The following RNF43 variants were observed in gnomAD, a reference collection of about 807,000 sequenced individuals.
The protein encoded by RNF43 is ring finger protein 43, also known as E3 ubiquitin-protein ligase RNF43.
In RNF43, 37 loss-of-function variants were observed where a neutral mutation model predicts 78.4. The observed-to-expected ratio is 0.47, with a 90% CI of 0.36 to 0.62. The LOEUF (loss-of-function observed/expected upper bound fraction) is 0.62, where lower values mean the gene tolerates loss of function less well. Ranked by LOEUF, RNF43 falls within the 20% of genes least tolerant of loss-of-function variation. The pLI, the probability that RNF43 is intolerant of heterozygous loss-of-function variation, is 0.00. For missense variants in RNF43, 774 were observed against 1,007.9 expected (o/e 0.77, Z 3.14); for synonymous variants, 347 against 395.0 (o/e 0.88, Z 1.44).
chr17:58,400,173 A>T (rs941224889), intron 2 of RNF43, among the ~76,000 whole-genome samples: 1 of 152,204 alleles, frequency 6.6e-6, no homozygotes, highest in African/African-American at 2.4e-5. Context: ...TACCACAAGT[A>T]ACAGGTATTA....
chr17:58,404,885 G>A (rs937396259), intron 2 of RNF43, among the ~76,000 whole-genome samples: 3 of 151,744 alleles, frequency 2.0e-5, no homozygotes, highest in South Asian at 2.1e-4. Context: ...AAATTTAACA[G>A]GGACTGATTG....
rs2143397754 is a variant in RNF43 at position 58,357,916 on chromosome 17, A to G, written c.1860T>C (p.Pro620=). ...CGTCAACTGGGCCAGGGGCTGGCTCAGGGAGGGCCCTGGGGCACTGTGGGT... is the reference window on the plus strand; with the variant it reads ...CGTCAACTGGGCCAGGGGCTGGCTCGGGGAGGGCCCTGGGGCACTGTGGGT... ...LSNPQCPRAL[P]EPAPGPVDAS... is the part of the protein sequence containing the mutation. The change falls in exon 9 of 10, where the codon CCT becomes CCC. Residue 620 remains proline, a synonymous_variant. Coordinates refer to ENST00000407977, the MANE Select transcript of RNF43 (RefSeq NM_017763.6). This position sits in a 1 kb window ranked among gnomAD's most constrained non-coding sequence, Gnocchi z 4.5. The G allele has an allele frequency of 1.2e-6, 2 of 1,613,538 alleles. No homozygotes were observed. The highest frequency in any genetic ancestry group is 1.7e-6 in the Non-Finnish European group (2 of 1,179,736).
In RNF43 at chr17:58,360,348, T is replaced by G. The variant is rs1276551701; in HGVS notation, c.850-97A>C. 5 of 813,290 alleles carry G rather than the reference T, an allele frequency of 6.1e-6. No individual in the cohort carries two copies. Among genetic ancestry groups the G allele is most frequent in the Non-Finnish European group, 1.0e-5 (5 of 482,562 alleles). 50.4% of individuals were successfully genotyped at this position (813,290 alleles called of 1,614,324 possible). A position where few individuals can be genotyped will look rare whatever the true frequency, so the allele number is the denominator to read the frequency against. ...CCAACTCCCTTAGGCCTCTCCTTGC[T>G]ATTATCTACTTGTAAAAGACCTCAC... On this transcript the variant is annotated intron_variant, in intron 7 of 9. Transcript: ENST00000407977. The surrounding 1 kb of genome is among the most constrained non-coding windows in gnomAD (Gnocchi z 4.3).
intron 2 of RNF43, 53 bp from the exon 3 acceptor site, chr17:58,371,086 C>A (rs1480570341): frequency 4.7e-6 from 7 of 1,498,026 alleles, no homozygotes; most frequent in Non-Finnish European, 5.4e-6. Flanking sequence ...CAGGAGTGAG[C>A]TGTGAGAGCC....
At chr17:58,393,210 C>T (rs1354287363) in intron 2 of RNF43, among the ~76,000 whole-genome samples, 9 of 152,140 alleles carry the variant, frequency 5.9e-5, no homozygotes, top group African/African-American at 2.2e-4. Flanking sequence ...GAGTTCGAGA[C>T]CAGCCTAATC....
At chr17:58,376,653 C>A (rs1973210845) in intron 2 of RNF43, among the ~76,000 whole-genome samples, 1 of 152,168 alleles carries the variant, frequency 6.6e-6, no homozygotes, top group Non-Finnish European at 1.5e-5. Context: ...AAAACAGATG[C>A]AAATACATCT....
chr17:58,390,317 T>TA (rs1973525293), intron 2 of RNF43, among the ~76,000 whole-genome samples: 1 of 152,212 alleles, frequency 6.6e-6, no homozygotes, highest in Non-Finnish European at 1.5e-5. Flanking sequence ...GATCCTTTTT[T>TA]TAAAAAAAAT....
chr17:58,358,310 C>A lies in RNF43; in HGVS notation c.1466G>T (p.Gly489Val), dbSNP rs2143411267. 6.2e-7 allele frequency: 1 copy of A among 1,614,176 alleles called. No homozygotes were observed. The highest frequency in any genetic ancestry group is 8.5e-7 in the Non-Finnish European group (1 of 1,180,034). The part of the protein sequence containing the change: ...VVNCTDISLQ[G>V]VHGSSSTFCS... ...GAAAGTAGAACTGCTGCCATGGACC[C>A]CCTGTAGGCTGATGTCCGTGCAGTT... The change falls in exon 9 of 10, where the codon GGG becomes GTG. Residue 489 changes from glycine (G) to valine (V), a missense_variant. Coordinates refer to ENST00000407977, the MANE Select transcript of RNF43 (RefSeq NM_017763.6). The surrounding 1 kb of genome is among the most constrained non-coding windows in gnomAD (Gnocchi z 6.2).
chr17:58,416,335 T>A (rs1222271225), intron 1 of RNF43: 3 of 152,222 alleles, frequency 2.0e-5, no homozygotes, highest in African/African-American at 7.2e-5. Flanking sequence ...ATAAATTAGG[T>A]GCTAATTTAT....
intron 3 of RNF43, among the ~76,000 whole-genome samples, chr17:58,364,172 G>A (rs1378145240): frequency 2.0e-5 from 3 of 152,184 alleles, no homozygotes; most frequent in Non-Finnish European, 4.4e-5. Context: ...CCCTGTCTCA[G>A]CTCATCTCAT....
In RNF43 at chr17:58,415,730, A is replaced by G. The variant is rs1017538045; in HGVS notation, c.-153T>C. 1.2e-6 allele frequency: 1 copy of G among 844,186 alleles called. No individual in the cohort carries two copies. Among genetic ancestry groups the G allele is most frequent in the Non-Finnish European group, 1.8e-6 (1 of 557,466 alleles). 52.3% of individuals were successfully genotyped at this position (844,186 alleles called of 1,614,324 possible). A position where few individuals can be genotyped will look rare whatever the true frequency, so the allele number is the denominator to read the frequency against. ...CGTAGTTTTGGCCCTTCCTTTCTCTAAAGTTTATTCCCAAAAACAGGTAGC... is the reference window on the plus strand; with the variant it reads ...CGTAGTTTTGGCCCTTCCTTTCTCTGAAGTTTATTCCCAAAAACAGGTAGC... On this transcript the variant is annotated 5_prime_UTR_variant, in exon 2 of 10. It removes the in-frame stop codon of an upstream open reading frame in the 5' UTR. Coordinates refer to ENST00000407977, the MANE Select transcript of RNF43 (RefSeq NM_017763.6).
chr17:58,416,769 C>G (rs907972687), intron 1 of RNF43: 1 of 152,162 alleles, frequency 6.6e-6, no homozygotes, highest in Non-Finnish European at 1.5e-5. Flanking sequence ...TTTCTAGGCA[C>G]TATGAAAATT....
Position 58,358,649 on chromosome 17 carries a change from A to G in RNF43, c.1127T>C (p.Leu376Pro), listed in dbSNP as rs1327648950. Reference protein sequence around the residue: ...VARPPRPGPFLPSQEPGMGPR... With the variant: ...VARPPRPGPFPPSQEPGMGPR... ...GCCCATGCCTGGCTCCTGGGATGGCAGGAAGGGACCAGGTCGTGGGGGCCG... is the reference window on the plus strand; with the variant it reads ...GCCCATGCCTGGCTCCTGGGATGGCGGGAAGGGACCAGGTCGTGGGGGCCG... The change falls in exon 9 of 10, where the codon CTG becomes CCG. Residue 376 changes from leucine (L) to proline (P), a missense_variant. Leu to Pro is a moderately conservative substitution (Grantham distance 98). Transcript: ENST00000407977. This position sits in a 1 kb window ranked among gnomAD's most constrained non-coding sequence, Gnocchi z 6.2. The G allele has an allele frequency of 6.5e-7, 1 of 1,530,906 alleles. No homozygotes were observed. The highest frequency in any genetic ancestry group is 8.8e-7 in the Non-Finnish European group (1 of 1,136,438). The allele number at this position is 1,530,906 out of a possible 1,614,324, so 94.8% of individuals were successfully genotyped here.
intron 9 of RNF43, among the ~76,000 whole-genome samples, chr17:58,355,300 A>G (rs942091675): frequency 5.9e-5 from 9 of 152,258 alleles, no homozygotes; most frequent in South Asian, 2.1e-4. Context: ...ACCAAAAAGA[A>G]TAAGCAGGGA....
chr17:58,365,848 G>C (rs1252540834), intron 3 of RNF43, among the ~76,000 whole-genome samples: 1 of 152,198 alleles, frequency 6.6e-6, no homozygotes, highest in Non-Finnish European at 1.5e-5. Flanking sequence ...GGAAGCTTCA[G>C]AGTTGGCCAG....
chr17:58,408,585 G>C (rs968352736), intron 2 of RNF43, among the ~76,000 whole-genome samples: 2 of 152,098 alleles, frequency 1.3e-5, no homozygotes, highest in African/African-American at 2.4e-5. Context: ...CCTGTGTAAA[G>C]GAGCACCTTA....
At chr17:58,389,952 T>C (rs563901527) in intron 2 of RNF43, among the ~76,000 whole-genome samples, 5 of 152,346 alleles carry the variant, frequency 3.3e-5, no homozygotes, top group African/African-American at 7.2e-5. Context: ...ACTACTGCTT[T>C]TTCCATGGAA....
chr17:58,360,243 C>G lies in RNF43; in HGVS notation c.858G>C (p.Arg286=), dbSNP rs773126354. The change falls in exon 8 of 10, where the codon CGG becomes CGC. Residue 286 remains arginine, a synonymous_variant. Coordinates refer to ENST00000407977, the MANE Select transcript of RNF43 (RefSeq NM_017763.6). This position sits in a 1 kb window ranked among gnomAD's most constrained non-coding sequence, Gnocchi z 4.3. The stretch of plus-strand genomic sequence containing the variant: ...GGAACTCATGGAGGCAGGAAATGAC[C>G]CGTAGCTCCTGGAGAAAAAGAGGGG... ...LEEFSEGQEL[R]VISCLHEFHR... is the part of the protein sequence containing the mutation. 3.5e-5 allele frequency: 56 copies of G among 1,613,698 alleles called. No homozygotes were observed. Among genetic ancestry groups the G allele is most frequent in the Non-Finnish European group, 4.7e-5 (56 of 1,179,758 alleles).
intron 2 of RNF43, among the ~76,000 whole-genome samples, chr17:58,374,683 G>T (rs1973171777): frequency 6.6e-6 from 1 of 152,118 alleles, no homozygotes; most frequent in Non-Finnish European, 1.5e-5. Flanking sequence ...GAGCCACCGT[G>T]TCTGGCCCCC....
Sources: gnomAD v4.1 joint callset for allele counts (sites outside exome capture counted in the v4.1 genomes callset) on GRCh38, gnomAD v4.1.1 for gene constraint, Gnocchi (gnomAD v3.1) non-coding constraint, MANE v1.5 for transcripts, NCBI Gene and HGNC (gene_info 2026-07-23, HGNC 2026-07-21) for gene names.